Variants in CSMD1 observed in about 807,000 individuals in gnomAD.
The protein encoded by CSMD1 is CUB and Sushi multiple domains 1, also known as CUB and sushi domain-containing protein 1.
In CSMD1, 213 loss-of-function variants were observed where a neutral mutation model predicts 417.5. That is an observed-to-expected ratio of 0.51 (90% CI 0.46 to 0.57). The LOEUF is 0.57. CSMD1 is among the 20% of genes least tolerant of loss of function. The pLI is 0.00. For synonymous variants in CSMD1, 2,862 were observed against 1,736.8 expected (o/e 1.65, Z -16.11); for missense variants, 6,923 against 4,529.7 (o/e 1.53, Z -15.17).
At chr8:4,363,391 G>C (rs184420359) in intron 3 of CSMD1, among the ~76,000 whole-genome samples, 84 of 152,180 alleles carry the variant, frequency 5.5e-4, no homozygotes, top group African/African-American at 2.0e-3. Context: ...ATACGTAAGA[G>C]GGATAAAAAA....
intron 4 of CSMD1, among the ~76,000 whole-genome samples, chr8:4,017,596 G>A (rs750078170): frequency 2.8e-4 from 42 of 152,230 alleles, no homozygotes; most frequent in African/African-American, 3.6e-4. Context: ...GTGAGCCACC[G>A]TGCCCAGCTG....
chr8:4,128,034 C>A (rs1483486315), intron 3 of CSMD1, among the ~76,000 whole-genome samples: 1 of 152,160 alleles, frequency 6.6e-6, no homozygotes, highest in Admixed American at 6.6e-5. Context: ...TTATATTCTT[C>A]AGGTGATTTA....
chr8:4,901,969 A>T lies in CSMD1; in HGVS notation c.85+92363T>A, dbSNP rs6993781. 7.9e-3 allele frequency among the ~76,000 whole-genome samples: 1,199 copies of T among 152,150 alleles called. 14 individuals are homozygous for T. Among genetic ancestry groups the T allele is most frequent in the African/African-American group, 0.025 (1,017 of 41,508 alleles). ...CACAACCAGAGGTCAAATACCAAAG[A>T]CATAATGTCAACCTCAAACATCATT... On this transcript the variant is annotated intron_variant, in intron 1 of 69. Coordinates refer to ENST00000635120, the MANE Select transcript of CSMD1 (RefSeq NM_033225.6).
rs189326799 is a variant in CSMD1 at position 3,880,053 on chromosome 8, T to C, written c.818+117850A>G. On this transcript the variant is annotated intron_variant, in intron 5 of 69. Transcript: ENST00000635120. Reference sequence around the variant, plus strand: ...TAAAATCCTCGAAGATTATAAAAGATTTTCTTTTTTTTTTGACTGAGAACT... The same window carrying C: ...TAAAATCCTCGAAGATTATAAAAGACTTTCTTTTTTTTTTGACTGAGAACT... Among the ~76,000 whole-genome samples the C allele has an allele frequency of 4.9e-3, 676 of 139,324 alleles. 4 individuals carry two copies. The highest frequency in any genetic ancestry group is 0.02 in the African/African-American group (644 of 32,434). The allele number at this position is 139,324 out of a possible 152,430, so 91.4% of individuals were successfully genotyped here. A position where few individuals can be genotyped will look rare whatever the true frequency, so the allele number is the denominator to read the frequency against.
At position 3,459,852 on chromosome 8, in the gene CSMD1, A is replaced by G. The variant is rs1057325628; in HGVS notation, c.1561+8860T>C. Among the ~76,000 whole-genome samples the G allele has an allele frequency of 1.4e-4, 21 of 152,032 alleles. 1 individual carries two copies. The highest frequency in any genetic ancestry group is 3.1e-4 in the Non-Finnish European group (21 of 68,020). ...TACTGGGCTATAATTCCTCAAACGT[A>G]TAAAAACTCAACTAAGACTTAAAAA... On this transcript the variant is annotated intron_variant, in intron 12 of 69. Transcript: ENST00000635120.
intron 3 of CSMD1, among the ~76,000 whole-genome samples, chr8:4,243,241 A>T (rs1802506779): frequency 1.3e-5 from 2 of 152,100 alleles, no homozygotes; most frequent in Admixed American, 6.6e-5. Context: ...GAAAGGGGAG[A>T]TCACCAGCTC....
At chr8:3,915,556 G>C (rs984496212) in intron 5 of CSMD1, among the ~76,000 whole-genome samples, 11 of 151,582 alleles carry the variant, frequency 7.3e-5, no homozygotes, top group African/African-American at 2.7e-4. Context: ...TAAACACAAG[G>C]ATGAATAATT....
intron 1 of CSMD1, among the ~76,000 whole-genome samples, chr8:4,759,390 A>G (rs796753926): frequency 6.6e-6 from 1 of 152,208 alleles, no homozygotes; most frequent in Non-Finnish European, 1.5e-5. Flanking sequence ...CTATTATCCA[A>G]TGGCATCTGA....
intron 5 of CSMD1, among the ~76,000 whole-genome samples, chr8:3,855,603 T>A (rs1804245254): frequency 6.6e-6 from 1 of 152,190 alleles, no homozygotes; most frequent in Non-Finnish European, 1.5e-5. Flanking sequence ...GCCAGATGAC[T>A]GAGTATGCTA....
In CSMD1 at chr8:2,943,378, C is replaced by T. The variant is rs866323532; in HGVS notation, c.10403-774G>A. On this transcript the variant is annotated intron_variant, in intron 68 of 69. Coordinates refer to ENST00000635120, the MANE Select transcript of CSMD1 (RefSeq NM_033225.6). ...AAGTAGCTGGGATGACAGGTGCCTG[C>T]CGCCATGCCTGGCTATTTTTTGTAT... 3.9e-5 allele frequency among the ~76,000 whole-genome samples: 6 copies of T among 152,014 alleles called. No homozygotes were observed. The South Asian group carries it at 1.2e-3, about 32-fold the overall frequency.
At chr8:4,613,950 T>C (rs1045742639) in intron 2 of CSMD1, among the ~76,000 whole-genome samples, 2 of 152,086 alleles carry the variant, frequency 1.3e-5, no homozygotes, top group African/African-American at 2.4e-5. Flanking sequence ...TTTTGTATTG[T>C]GAATTTTTAT....
chr8:3,992,400 G>A (rs1814824185), intron 5 of CSMD1, among the ~76,000 whole-genome samples: 1 of 152,054 alleles, frequency 6.6e-6, no homozygotes. Flanking sequence ...AATCTAATCA[G>A]TGATTGGCTG....
At chr8:3,405,291 T>C (rs1812279183) in intron 15 of CSMD1, among the ~76,000 whole-genome samples, 1 of 152,212 alleles carries the variant, frequency 6.6e-6, no homozygotes, top group African/African-American at 2.4e-5. Flanking sequence ...TGATATGGAC[T>C]GTGAACATAT....
At chr8:3,866,472 A>G (rs755073574) in intron 5 of CSMD1, among the ~76,000 whole-genome samples, 3 of 152,204 alleles carry the variant, frequency 2.0e-5, no homozygotes, top group Non-Finnish European at 2.9e-5. Context: ...TGTGATATTA[A>G]TATTTTACAC....
At chr8:3,726,619 G>T (rs550676426) in intron 6 of CSMD1, among the ~76,000 whole-genome samples, 1 of 152,284 alleles carries the variant, frequency 6.6e-6, no homozygotes, top group African/African-American at 2.4e-5. Context: ...TGTTACGAGG[G>T]TAGGTACATC....
chr8:4,153,233 G>A (rs151107698), intron 3 of CSMD1, among the ~76,000 whole-genome samples: 1 of 152,174 alleles, frequency 6.6e-6, no homozygotes, highest in Non-Finnish European at 1.5e-5. Context: ...AGGGGAGCTG[G>A]AGAGTATGCC....
rs369135706 is a variant in CSMD1 at position 4,683,364 on chromosome 8, AG to A, written c.86-45807del. 5.3e-5 allele frequency among the ~76,000 whole-genome samples: 8 copies of A among 152,300 alleles called. No homozygotes were observed. The East Asian group carries it at 1.5e-3, about 29-fold the overall frequency. ...CAGGCCCATTTGGAGTGGTTCTCCA[AG>A]CCGAAACCCTCTTGCTCTCCTTTTC... is the stretch of plus-strand genomic sequence containing the variant. On this transcript the variant is annotated intron_variant, in intron 1 of 69. Transcript: ENST00000635120.
intron 5 of CSMD1, among the ~76,000 whole-genome samples, chr8:3,799,355 T>A (rs1009135346): frequency 6.7e-6 from 1 of 150,254 alleles, no homozygotes; most frequent in Non-Finnish European, 1.5e-5. Flanking sequence ...CATTAACTCG[T>A]CAATTGCATT....
At chr8:3,037,752 A>G (rs151026916) in intron 50 of CSMD1, among the ~76,000 whole-genome samples, 1 of 152,322 alleles carries the variant, frequency 6.6e-6, no homozygotes, top group East Asian at 1.9e-4. Context: ...TAGATGACCA[A>G]TTAATAGAGT....
Sources: gnomAD v4.1 joint callset for allele counts (sites outside exome capture counted in the v4.1 genomes callset) on GRCh38, gnomAD v4.1.1 for gene constraint, MANE v1.5 for transcripts, NCBI Gene and HGNC (gene_info 2026-07-23, HGNC 2026-07-21) for gene names.